DNM3: variants seen among roughly 807,000 people sequenced by gnomAD.
DNM3 encodes dynamin-3.
A neutral mutation model predicts 101.6 loss-of-function variants in DNM3; 47 were observed. The observed-to-expected ratio is 0.46, with a 90% confidence interval of 0.37 to 0.59. The LOEUF (loss-of-function observed/expected upper bound fraction) is 0.59. DNM3 is among the 20% of genes least tolerant of loss of function. The probability of loss-of-function intolerance (pLI) is 0.00; values close to 1 mark genes in which losing one functional copy is unlikely to be tolerated. For missense variants in DNM3, 849 were observed against 1,085.7 expected (o/e 0.78, Z 3.06); for synonymous variants, 385 against 387.9 (o/e 0.99, Z 0.09).
At chr1:172,233,590 A>C (rs2061421952) in intron 14 of DNM3, among the ~76,000 whole-genome samples, 1 of 152,232 alleles carries the variant, frequency 6.6e-6, no homozygotes, top group Non-Finnish European at 1.5e-5. Context: ...ACAACAAAAA[A>C]AGAGAATTTT....
chr1:172,214,163 A>T (rs112576457), intron 14 of DNM3, among the ~76,000 whole-genome samples: 1 of 152,164 alleles, frequency 6.6e-6, no homozygotes, highest in Non-Finnish European at 1.5e-5. Context: ...TTTGTGTTGT[A>T]TATCTAAGGA....
intron 4 of DNM3, among the ~76,000 whole-genome samples, chr1:172,000,306 G>A (rs897190954): frequency 1.3e-5 from 2 of 152,074 alleles, no homozygotes; most frequent in African/African-American, 4.8e-5. Context: ...GAGAGATAGA[G>A]GAGGGTGATG....
intron 13 of DNM3, among the ~76,000 whole-genome samples, chr1:172,124,052 T>G (rs1489685640): frequency 6.6e-6 from 1 of 152,238 alleles, no homozygotes; most frequent in African/African-American, 2.4e-5. Context: ...ACACGTTTGC[T>G]CCTTATTTCT....
rs148775998 is a variant in DNM3 at position 172,154,464 on chromosome 1, G to A, written c.1659+23176G>A. ...CACGGAGTAGTTTATTTAGATGTGT[G>A]TTTGCTGGGAATCTACTACCAGGAG... On this transcript the variant is annotated intron_variant, in intron 14 of 20. Transcript: ENST00000627582. 3.9e-5 allele frequency among the ~76,000 whole-genome samples: 6 copies of A among 152,182 alleles called. No homozygotes were observed. In the East Asian group the frequency reaches 9.7e-4, roughly 25 times the overall value.
intron 12 of DNM3, among the ~76,000 whole-genome samples, chr1:172,084,345 C>T (rs956991035): frequency 4.6e-5 from 7 of 152,116 alleles, no homozygotes; most frequent in Non-Finnish European, 8.8e-5. Flanking sequence ...CACACACATA[C>T]ACTCACATTT....
At chr1:172,290,378 AT>A (rs1351935885) in intron 15 of DNM3, among the ~76,000 whole-genome samples, 1 of 152,190 alleles carries the variant, frequency 6.6e-6, no homozygotes, top group East Asian at 1.9e-4. Flanking sequence ...ATAGAATATC[AT>A]TTCCAGCAAA....
intron 13 of DNM3, among the ~76,000 whole-genome samples, chr1:172,125,790 TG>T (rs1025102259): frequency 1.2e-4 from 18 of 152,190 alleles, no homozygotes; most frequent in African/African-American, 3.9e-4. Flanking sequence ...AAGATGTAAG[TG>T]GCTGTTGTAG....
chr1:172,009,110 T>G (rs12088065), intron 4 of DNM3, among the ~76,000 whole-genome samples: 1 of 138,874 alleles, frequency 7.2e-6, no homozygotes, highest in Non-Finnish European at 1.5e-5. Context: ...ATTTATATAT[T>G]ATATATCATA....
chr1:172,201,031 A>G (rs866641683), intron 14 of DNM3, among the ~76,000 whole-genome samples: 16 of 152,276 alleles, frequency 1.1e-4, no homozygotes, highest in Middle Eastern at 6.8e-3. Context: ...GATTGAGTAC[A>G]GTCAATAGAC....
intron 4 of DNM3, among the ~76,000 whole-genome samples, chr1:171,992,051 C>G (rs1307683745): frequency 6.6e-6 from 1 of 152,036 alleles, no homozygotes; most frequent in African/African-American, 2.4e-5. Flanking sequence ...AACTTCCAAT[C>G]TAGTAGAAGA....
At chr1:172,059,931 G>T (rs1308496170) in intron 10 of DNM3, among the ~76,000 whole-genome samples, 1 of 136,968 alleles carries the variant, frequency 7.3e-6, no homozygotes. Flanking sequence ...CGACATGATT[G>T]TATATCTAGA....
chr1:171,982,412 G>A (rs2044870737), intron 2 of DNM3, among the ~76,000 whole-genome samples: 1 of 152,126 alleles, frequency 6.6e-6, no homozygotes, highest in Non-Finnish European at 1.5e-5. Context: ...ATTACAGGTA[G>A]CCCTTTCCTG....
chr1:172,332,402 T>C (rs927011384), intron 17 of DNM3, among the ~76,000 whole-genome samples: 2 of 152,166 alleles, frequency 1.3e-5, no homozygotes, highest in South Asian at 2.1e-4. Context: ...CTCTGCCTTC[T>C]GAGGTAAAGC....
chr1:172,081,173 T>G (rs1416326647), intron 11 of DNM3, among the ~76,000 whole-genome samples: 1 of 152,190 alleles, frequency 6.6e-6, no homozygotes, highest in Non-Finnish European at 1.5e-5. Flanking sequence ...GATGACTCAC[T>G]GCAGCTTTGA....
intron 14 of DNM3, among the ~76,000 whole-genome samples, chr1:172,135,408 A>T (rs1226503266): frequency 6.6e-6 from 1 of 152,152 alleles, no homozygotes; most frequent in Non-Finnish European, 1.5e-5. Context: ...TTATTGAATT[A>T]CAGAATAAAA....
At chr1:171,865,746 C>T (rs1032509502) in intron 1 of DNM3, among the ~76,000 whole-genome samples, 2 of 152,108 alleles carry the variant, frequency 1.3e-5, no homozygotes, top group African/African-American at 4.8e-5. Context: ...ACATATTCCT[C>T]TAGAGGTGAG....
At chr1:172,188,465 G>A (rs954287780) in intron 14 of DNM3, among the ~76,000 whole-genome samples, 2 of 152,008 alleles carry the variant, frequency 1.3e-5, no homozygotes, top group African/African-American at 4.8e-5. Context: ...CTAGACCACA[G>A]GGTGGAGATT....
At chr1:172,292,708 A>T (rs367568205) in intron 15 of DNM3, among the ~76,000 whole-genome samples, 2 of 152,176 alleles carry the variant, frequency 1.3e-5, no homozygotes, top group African/African-American at 4.8e-5. Flanking sequence ...TTACTTTTGC[A>T]TTAACCTAAT....
chr1:172,412,251 C>T lies in DNM3; in HGVS notation c.*4410C>T, dbSNP rs111832368. On this transcript the variant is annotated 3_prime_UTR_variant, in exon 21 of 21. Transcript: ENST00000627582. ...TTTTACTCTTGAATTCCTTAAACTT[C>T]GCTCATTATGAAATGTTTTAAAATT... is the stretch of plus-strand genomic sequence containing the variant. 8.6e-4 allele frequency: 844 copies of T among 985,290 alleles called. 5 individuals are homozygous for T. The African/African-American group carries it at 0.014, about 16-fold the overall frequency. 61.0% of individuals were successfully genotyped at this position (985,290 alleles called of 1,614,324 possible). A position where few individuals can be genotyped will look rare whatever the true frequency, so the allele number is the denominator to read the frequency against.
Sources: allele counts gnomAD v4.1 joint callset (sites outside exome capture counted in the v4.1 genomes callset), GRCh38; gene constraint gnomAD v4.1.1; transcripts MANE v1.5; gene names NCBI Gene and HGNC (gene_info 2026-07-23, HGNC 2026-07-21).